COL26A1: variants seen among roughly 807,000 people sequenced by gnomAD.
COL26A1 encodes collagen type XXVI alpha 1 chain.
In COL26A1, 41 loss-of-function variants were observed where a neutral mutation model predicts 59.3. The ratio of observed to expected loss-of-function variants is 0.69; its 90% CI spans 0.54 to 0.90. COL26A1 has a LOEUF of 0.90. COL26A1 is among the 40% of genes least tolerant of loss of function. COL26A1 has a pLI of 0.00. For synonymous variants in COL26A1, 266 were observed against 256.0 expected (o/e 1.04, Z -0.37); for missense variants, 612 against 602.3 (o/e 1.02, Z -0.17).
At chr7:101,459,375 CT>C (rs1053060608) in intron 3 of COL26A1, among the ~76,000 whole-genome samples, 7 of 152,248 alleles carry the variant, frequency 4.6e-5, no homozygotes, top group Admixed American at 3.9e-4. Context: ...CTCGTGCTCA[CT>C]ACAACCTCTG....
At chr7:101,502,087 C>T (rs563047223) in intron 3 of COL26A1, among the ~76,000 whole-genome samples, 35 of 152,314 alleles carry the variant, frequency 2.3e-4, no homozygotes, top group Non-Finnish European at 4.3e-4. Context: ...CGGTGGCTGA[C>T]GCCTATAATC....
intron 2 of COL26A1, among the ~76,000 whole-genome samples, chr7:101,421,125 G>C (rs997101845): frequency 2.0e-5 from 3 of 152,288 alleles, no homozygotes; most frequent in South Asian, 4.1e-4. Flanking sequence ...GAGAGGGAGA[G>C]TGGGAGAGAG....
At chr7:101,551,220 C>CG (rs1454138294) in intron 10 of COL26A1, 77 bp downstream of exon 10, 13 of 114,446 alleles carry the variant, frequency 1.1e-4, no homozygotes, top group African/African-American at 8.8e-4. Flanking sequence ...CACTGGGTGG[C>CG]GGGGGTTGGT....
intron 1 of COL26A1, among the ~76,000 whole-genome samples, chr7:101,393,006 GTTTTTTTT>G (rs11350670): frequency 4.6e-5 from 6 of 129,322 alleles, no homozygotes; most frequent in Non-Finnish European, 8.5e-5. Context: ...ATGTTTTTTT[GTTTTTTTT>G]TTTTTTGAGA....
intron 3 of COL26A1, among the ~76,000 whole-genome samples, chr7:101,519,372 G>T (rs1030143671): frequency 6.6e-6 from 1 of 152,190 alleles, no homozygotes; most frequent in African/African-American, 2.4e-5. Context: ...GTGCAGTAGT[G>T]TCATCATAGC....
intron 2 of COL26A1, among the ~76,000 whole-genome samples, chr7:101,442,844 TGA>T (rs1451085545): frequency 1.3e-5 from 2 of 152,008 alleles, no homozygotes; most frequent in Non-Finnish European, 2.9e-5. Flanking sequence ...CGTGTTTGTG[TGA>T]GTGCGTGTGT....
chr7:101,509,060 T>C (rs1275118531), intron 3 of COL26A1, among the ~76,000 whole-genome samples: 2 of 152,092 alleles, frequency 1.3e-5, no homozygotes, highest in African/African-American at 2.4e-5. Flanking sequence ...CAGGAAGCGT[T>C]TACTAGTGGC....
At chr7:101,545,138 G>A (rs1400614426) in intron 6 of COL26A1, among the ~76,000 whole-genome samples, 200 bp from the exon 7 acceptor site, 2 of 152,126 alleles carry the variant, frequency 1.3e-5, no homozygotes, top group Admixed American at 6.5e-5. Context: ...GTCCCCTCTG[G>A]ACTGGGCTGG....
chr7:101,556,719 T>C (rs1584512909), intron 12 of COL26A1, among the ~76,000 whole-genome samples: 1 of 149,924 alleles, frequency 6.7e-6, no homozygotes, highest in South Asian at 2.1e-4. Context: ...AGTGGGCAGG[T>C]GGGTGGGTAA....
At chr7:101,385,273 G>GTA (rs1306950558) in intron 1 of COL26A1, among the ~76,000 whole-genome samples, 9 of 146,682 alleles carry the variant, frequency 6.1e-5, no homozygotes, top group Admixed American at 2.7e-4. Flanking sequence ...ATATATATGT[G>GTA]TATATATATA....
At chr7:101,525,171 C>CTTTTTT (rs34881584) in intron 3 of COL26A1, among the ~76,000 whole-genome samples, 7 of 73,904 alleles carry the variant, frequency 9.5e-5, no homozygotes, top group African/African-American at 1.2e-4. Context: ...TGACTTCATT[C>CTTTTTT]TTTTTTTTTT....
intron 1 of COL26A1, among the ~76,000 whole-genome samples, chr7:101,376,844 T>C (rs1481211644): frequency 1.3e-5 from 2 of 152,008 alleles, no homozygotes; most frequent in African/African-American, 4.8e-5. Context: ...TGAGGATTTA[T>C]TTTCTTTATT....
At chr7:101,504,377 A>G (rs1468425089) in intron 3 of COL26A1, among the ~76,000 whole-genome samples, 1 of 152,172 alleles carries the variant, frequency 6.6e-6, no homozygotes, top group Non-Finnish European at 1.5e-5. Context: ...CTGGGATTAC[A>G]GGCATGAGCC....
chr7:101,544,512 C>A (rs1795688238), intron 6 of COL26A1, among the ~76,000 whole-genome samples: 1 of 148,484 alleles, frequency 6.7e-6, no homozygotes, highest in South Asian at 2.1e-4. Flanking sequence ...CAGGCGTGAG[C>A]CACCACCTCA....
chr7:101,431,655 G>C (rs1334337170), intron 2 of COL26A1, among the ~76,000 whole-genome samples: 1 of 151,776 alleles, frequency 6.6e-6, no homozygotes, highest in African/African-American at 2.4e-5. Context: ...GTTGAATTTT[G>C]TCAAATGCCT....
At chr7:101,434,179 CT>C (rs1281237163) in intron 2 of COL26A1, among the ~76,000 whole-genome samples, 20 of 132,682 alleles carry the variant, frequency 1.5e-4, no homozygotes, top group African/African-American at 5.3e-4. Context: ...CCCTTCCTTC[CT>C]TCCTTCTCTC....
At chr7:101,462,084 C>T (rs1017754940) in intron 3 of COL26A1, among the ~76,000 whole-genome samples, 1 of 149,772 alleles carries the variant, frequency 6.7e-6, no homozygotes, top group Non-Finnish European at 1.5e-5. Flanking sequence ...ACTGCAACCT[C>T]TGCTTCCCAG....
intron 3 of COL26A1, among the ~76,000 whole-genome samples, chr7:101,489,819 T>C (rs1416214718): frequency 4.6e-4 from 3 of 6,518 alleles, no homozygotes; most frequent in East Asian, 3.0e-3. Flanking sequence ...TCTTTCTTTC[T>C]TTCTTTCTTT....
At chr7:101,495,930 C>CA (rs1246238394) in intron 3 of COL26A1, among the ~76,000 whole-genome samples, 4 of 133,738 alleles carry the variant, frequency 3.0e-5, no homozygotes, top group Non-Finnish European at 1.5e-5. Flanking sequence ...CCTGTCTCTA[C>CA]AAAAAATAAA....
Sources: allele counts gnomAD v4.1 joint callset (sites outside exome capture counted in the v4.1 genomes callset), GRCh38; gene constraint gnomAD v4.1.1; transcripts MANE v1.5; gene names NCBI Gene and HGNC (gene_info 2026-07-23, HGNC 2026-07-21).